Variants in PACS1 observed in about 807,000 individuals in gnomAD.
PACS1 encodes the protein phosphofurin acidic cluster sorting protein 1.
In PACS1, 24 loss-of-function variants were observed where a neutral mutation model predicts 115.0. That is an observed-to-expected ratio of 0.21 (90% CI 0.15 to 0.29). The LOEUF (loss-of-function observed/expected upper bound fraction) is 0.29. Ranked by LOEUF, PACS1 falls within the 10% of genes least tolerant of loss-of-function variation. The pLI is 1.00. For synonymous variants in PACS1, 453 were observed against 504.5 expected (o/e 0.90, Z 1.37); for missense variants, 838 against 1,251.2 (o/e 0.67, Z 4.98).
intron 1 of PACS1, among the ~76,000 whole-genome samples, chr11:66,112,669 G>T (rs1360228154): frequency 3.9e-5 from 6 of 152,180 alleles, no homozygotes; most frequent in Non-Finnish European, 8.8e-5. Context: ...ATAAGTGACT[G>T]CTTTTCCCGT....
chr11:66,129,179 C>T (rs935127362), intron 1 of PACS1, among the ~76,000 whole-genome samples: 10 of 151,956 alleles, frequency 6.6e-5, no homozygotes, highest in African/African-American at 2.4e-4. Context: ...TGCCTGTAAT[C>T]CCAGCACTTG....
intron 1 of PACS1, among the ~76,000 whole-genome samples, chr11:66,148,245 C>T (rs1184748811): frequency 1.3e-5 from 2 of 152,134 alleles, no homozygotes; most frequent in African/African-American, 4.8e-5. Flanking sequence ...GCCTTGACCT[C>T]CTGGGCTCAA....
rs1857298876 is a variant in PACS1, at chr11:66,070,960, C to T, written c.356+118C>T. ...CTCCATCTCCCCGACTGTCCCGCGG[C>T]CCGGCCTGGCTCCAGCCAGGCCTCC... On this transcript the variant is annotated intron_variant, in intron 1 of 23. Coordinates refer to ENST00000320580, the MANE Select transcript of PACS1 (RefSeq NM_018026.4). This position sits in a 1 kb window ranked among gnomAD's most constrained non-coding sequence, Gnocchi z 5.9. 9.3e-7 allele frequency: 1 copy of T among 1,079,774 alleles called. No homozygotes were observed. Among genetic ancestry groups the T allele is most frequent in the Admixed American group, 4.3e-5 (1 of 23,426 alleles). 66.9% of individuals were successfully genotyped at this position (1,079,774 alleles called of 1,614,324 possible).
At chr11:66,083,522 C>T (rs1310687135) in intron 1 of PACS1, among the ~76,000 whole-genome samples, 1 of 152,182 alleles carries the variant, frequency 6.6e-6, no homozygotes, top group Non-Finnish European at 1.5e-5. Flanking sequence ...GGGTCATGGT[C>T]TCCCAAATCT....
At chr11:66,087,243 T>G (rs9735554) in intron 1 of PACS1, among the ~76,000 whole-genome samples, 147,056 of 151,386 alleles carry the variant, frequency 0.97, 71,569 homozygotes, top group Middle Eastern at 1. Flanking sequence ...TGTTTTTTTT[T>G]TTTGTTTTTT....
At chr11:66,163,626 G>C (rs941822669) in intron 1 of PACS1, among the ~76,000 whole-genome samples, 3 of 152,172 alleles carry the variant, frequency 2.0e-5, no homozygotes, top group African/African-American at 7.2e-5. Flanking sequence ...AGGTAGCTAT[G>C]ATGTGACGTG....
At chr11:66,120,721 A>G (rs1412536049) in intron 1 of PACS1, among the ~76,000 whole-genome samples, 2 of 152,212 alleles carry the variant, frequency 1.3e-5, no homozygotes, top group African/African-American at 2.4e-5. Context: ...CTTGCTGTGA[A>G]GATTAAATGA....
chr11:66,138,721 C>T (rs979730937), intron 1 of PACS1, among the ~76,000 whole-genome samples: 21 of 150,578 alleles, frequency 1.4e-4, no homozygotes, highest in South Asian at 2.1e-4. Context: ...CTTGCTCTGT[C>T]GCCCAAGCTG....
At chr11:66,211,782 CA>C (rs1403208155) in intron 4 of PACS1, among the ~76,000 whole-genome samples, 7 of 152,224 alleles carry the variant, frequency 4.6e-5, no homozygotes, top group Admixed American at 1.3e-4. Flanking sequence ...CCGTCTAACC[CA>C]CAGTCCCTAT....
intron 1 of PACS1, among the ~76,000 whole-genome samples, chr11:66,095,447 A>G (rs1438783622): frequency 3.3e-5 from 5 of 152,054 alleles, no homozygotes; most frequent in South Asian, 4.1e-4. Context: ...CCCATTCACA[A>G]TTGCTTCAAA....
intron 1 of PACS1, among the ~76,000 whole-genome samples, chr11:66,135,433 G>C (rs2052316129): frequency 6.6e-6 from 1 of 152,114 alleles, no homozygotes; most frequent in Non-Finnish European, 1.5e-5. Flanking sequence ...GTTTTTGTTA[G>C]CTCCTCAGCT....
intron 13 of PACS1, 39 bp from the exon 14 acceptor site, chr11:66,232,133 G>A (rs777746999): frequency 1.2e-4 from 156 of 1,354,384 alleles, no homozygotes; most frequent in Non-Finnish European, 1.5e-4. Flanking sequence ...GGCTCCCCAG[G>A]GACTCCCTAA....
At chr11:66,164,439 A>T (rs935236452) in intron 1 of PACS1, among the ~76,000 whole-genome samples, 1 of 149,204 alleles carries the variant, frequency 6.7e-6, no homozygotes, top group Non-Finnish European at 1.5e-5. Flanking sequence ...CAGATCTATT[A>T]AAAAAAAAAT....
chr11:66,117,116 G>A (rs1341716221), intron 1 of PACS1, among the ~76,000 whole-genome samples: 1 of 151,932 alleles, frequency 6.6e-6, no homozygotes, highest in Non-Finnish European at 1.5e-5. Context: ...GCATTGCTCT[G>A]AGAAGGGGTC....
chr11:66,136,992 G>T (rs914447855), intron 1 of PACS1, among the ~76,000 whole-genome samples: 1 of 149,326 alleles, frequency 6.7e-6, no homozygotes, highest in African/African-American at 2.5e-5. Context: ...TTTGAAAATA[G>T]CCCTATGTCT....
intron 1 of PACS1, among the ~76,000 whole-genome samples, chr11:66,118,769 C>CAAAAAAAAAAAAA (rs397945291): frequency 3.6e-5 from 3 of 83,614 alleles, no homozygotes; most frequent in African/African-American, 9.2e-5. Context: ...CCCATGTCTA[C>CAAAAAAAAAAAAA]AAAAAAAAAA....
chr11:66,211,366 C>T, intron 4 of PACS1, 107 bp downstream of exon 4: 2 of 1,173,824 alleles, frequency 1.7e-6, no homozygotes, highest in East Asian at 2.5e-5. Flanking sequence ...AGCCTGCTGG[C>T]TAGGTGCTTA....
intron 1 of PACS1, among the ~76,000 whole-genome samples, chr11:66,187,901 G>T (rs1391830955): frequency 6.6e-6 from 1 of 152,138 alleles, no homozygotes; most frequent in Non-Finnish European, 1.5e-5. Flanking sequence ...CTCCATAGTG[G>T]CTGCACTAGT....
chr11:66,194,625 C>T (rs1330121805), intron 2 of PACS1, among the ~76,000 whole-genome samples: 1 of 152,166 alleles, frequency 6.6e-6, no homozygotes, highest in Non-Finnish European at 1.5e-5. Flanking sequence ...TGATGACTCC[C>T]TGGAGTAGAG....
Sources: gnomAD v4.1 joint callset for allele counts (sites outside exome capture counted in the v4.1 genomes callset) on GRCh38, gnomAD v4.1.1 for gene constraint, Gnocchi (gnomAD v3.1) non-coding constraint, MANE v1.5 for transcripts, NCBI Gene and HGNC (gene_info 2026-07-23, HGNC 2026-07-21) for gene names.